HPSE2: variants seen among roughly 807,000 people sequenced by gnomAD.
The protein encoded by HPSE2 is inactive heparanase-2.
In HPSE2, 38 loss-of-function variants were observed where a neutral mutation model predicts 60.5. That is an observed-to-expected ratio of 0.63 (90% confidence interval 0.48 to 0.82). The LOEUF is 0.82. Ranked by LOEUF, HPSE2 falls within the 40% of genes least tolerant of loss-of-function variation. The pLI, the probability that HPSE2 is intolerant of heterozygous loss-of-function variation, is 0.00. For synonymous variants in HPSE2, 295 were observed against 293.2 expected (o/e 1.01, Z -0.06); for missense variants, 713 against 740.4 (o/e 0.96, Z 0.43).
At chr10:99,232,186 C>G (rs1036389262) in intron 2 of HPSE2, among the ~76,000 whole-genome samples, 162 bp downstream of exon 2, 3 of 150,946 alleles carry the variant, frequency 2.0e-5, no homozygotes, top group Admixed American at 6.6e-5. Context: ...CCAGGCTCTC[C>G]AAATCTGCCC....
At chr10:99,264,740 A>G in the HPSE2 span, among the ~76,000 whole-genome samples, 5 of 152,228 alleles carry the variant, frequency 3.3e-5, no homozygotes, top group Middle Eastern at 3.4e-3. Flanking sequence ...CTCAATTCAT[A>G]CAAAACTGCC....
intron 3 of HPSE2, among the ~76,000 whole-genome samples, chr10:99,094,059 T>C (rs1460500809): frequency 6.6e-6 from 1 of 152,200 alleles, no homozygotes; most frequent in Non-Finnish European, 1.5e-5. Flanking sequence ...GACCACTGTT[T>C]TAGCTCTATT....
chr10:99,096,064 G>A (rs959210106), intron 3 of HPSE2, among the ~76,000 whole-genome samples: 1 of 152,088 alleles, frequency 6.6e-6, no homozygotes, highest in African/African-American at 2.4e-5. Flanking sequence ...GGTATAAACT[G>A]TCTTTGATAT....
intron 3 of HPSE2, among the ~76,000 whole-genome samples, chr10:98,977,266 C>A (rs371441320): frequency 2.0e-5 from 3 of 151,928 alleles, no homozygotes; most frequent in African/African-American, 7.3e-5. Context: ...TAGTGTAGTG[C>A]CTATGATGTG....
intron 4 of HPSE2, among the ~76,000 whole-genome samples, chr10:98,726,117 C>T (rs890666590): frequency 3.9e-5 from 6 of 152,124 alleles, no homozygotes; most frequent in African/African-American, 1.4e-4. Flanking sequence ...CCATTTGACC[C>T]AGCCATCCCA....
At chr10:98,498,583 A>G (rs1442215575) in intron 9 of HPSE2, among the ~76,000 whole-genome samples, 1 of 152,120 alleles carries the variant, frequency 6.6e-6, no homozygotes, top group Admixed American at 6.5e-5. Flanking sequence ...ATATGACAAA[A>G]CAAGGCCCTT....
chr10:98,581,410 T>A (rs1944794732), intron 9 of HPSE2, among the ~76,000 whole-genome samples: 1 of 152,192 alleles, frequency 6.6e-6, no homozygotes, highest in African/African-American at 2.4e-5. Context: ...AGAGCCTCTA[T>A]AAGTCAGAGA....
At chr10:99,160,986 T>C (rs1589754073) in intron 2 of HPSE2, among the ~76,000 whole-genome samples, 1 of 132,928 alleles carries the variant, frequency 7.5e-6, no homozygotes, top group African/African-American at 2.8e-5. Flanking sequence ...GTGGCCAGGG[T>C]GGGAAGATGG....
At chr10:98,462,606 CATG>C (rs1940343572) in intron 11 of HPSE2, among the ~76,000 whole-genome samples, 2 of 152,220 alleles carry the variant, frequency 1.3e-5, no homozygotes, top group African/African-American at 4.8e-5. Flanking sequence ...CCTTGGCTCC[CATG>C]ATATTTCTCT....
chr10:98,986,076 A>G (rs1218259010), intron 3 of HPSE2, among the ~76,000 whole-genome samples: 1 of 152,216 alleles, frequency 6.6e-6, no homozygotes, highest in East Asian at 1.9e-4. Context: ...GACACTAGAC[A>G]GATCAACGAG....
At chr10:99,232,589 T>TC (rs1363631505) in intron 1 of HPSE2, 84 bp from the exon 2 acceptor site, 3 of 1,430,650 alleles carry the variant, frequency 2.1e-6, no homozygotes, top group Non-Finnish European at 2.9e-6. Flanking sequence ...CTCTTCCTAC[T>TC]CCCTGAGGGC....
intron 4 of HPSE2, among the ~76,000 whole-genome samples, chr10:98,740,326 C>T (rs941841253): frequency 6.6e-6 from 1 of 151,992 alleles, no homozygotes; most frequent in East Asian, 1.9e-4. Context: ...CAGGTGCATG[C>T]TACCACGCCC....
chr10:98,923,464 C>G (rs988845279), intron 3 of HPSE2, among the ~76,000 whole-genome samples: 2 of 152,116 alleles, frequency 1.3e-5, no homozygotes, highest in Non-Finnish European at 1.5e-5. Context: ...CTGATACTAT[C>G]CCTTTGAATA....
chr10:98,524,360 C>T (rs1360794908), intron 9 of HPSE2, among the ~76,000 whole-genome samples: 1 of 152,126 alleles, frequency 6.6e-6, no homozygotes, highest in Non-Finnish European at 1.5e-5. Context: ...TTCAATGATG[C>T]TCAAGTGCGT....
At chr10:98,585,312 C>A (rs981424941) in intron 9 of HPSE2, among the ~76,000 whole-genome samples, 43 of 149,054 alleles carry the variant, frequency 2.9e-4, no homozygotes, top group Admixed American at 2.4e-3. Context: ...CACTCTATCA[C>A]CTAGGCTGGA....
At chr10:98,519,708 T>C (rs1942723803) in intron 9 of HPSE2, among the ~76,000 whole-genome samples, 3 of 152,172 alleles carry the variant, frequency 2.0e-5, no homozygotes, top group Admixed American at 2.0e-4. Flanking sequence ...TGAAGTCAGG[T>C]GGAGACCTAA....
intron 9 of HPSE2, among the ~76,000 whole-genome samples, chr10:98,591,339 C>T (rs1447963213): frequency 6.6e-6 from 1 of 152,132 alleles, no homozygotes; most frequent in South Asian, 2.1e-4. Flanking sequence ...ATTCTTCTCA[C>T]AATTAATTGG....
At chr10:98,557,211 T>A (rs1944036887) in intron 9 of HPSE2, among the ~76,000 whole-genome samples, 1 of 151,550 alleles carries the variant, frequency 6.6e-6, no homozygotes. Flanking sequence ...AGACTCTGTC[T>A]CCAAAGGAAA....
chr10:99,014,421 T>C (rs755316239), intron 3 of HPSE2, among the ~76,000 whole-genome samples: 10 of 152,234 alleles, frequency 6.6e-5, no homozygotes, highest in East Asian at 1.9e-4. Context: ...AACATGTGCA[T>C]GCATGTGTCT....
Sources: allele counts gnomAD v4.1 joint callset (sites outside exome capture counted in the v4.1 genomes callset), GRCh38; gene constraint gnomAD v4.1.1; transcripts MANE v1.5; gene names NCBI Gene and HGNC (gene_info 2026-07-23, HGNC 2026-07-21).